The following PPM1A variants were observed in gnomAD, a reference collection of about 807,000 sequenced individuals.
The protein encoded by PPM1A is protein phosphatase 1A.
Under a neutral mutation model 35.0 loss-of-function variants are expected in PPM1A, and 7 were observed. The observed-to-expected ratio is 0.20, with a 90% CI of 0.11 to 0.38. The LOEUF (loss-of-function observed/expected upper bound fraction) is 0.38, where lower values mean the gene tolerates loss of function less well. PPM1A is among the 10% of genes least tolerant of loss of function. The probability of loss-of-function intolerance (pLI) is 1.00; values close to 1 mark genes in which losing one functional copy is unlikely to be tolerated. For missense variants in PPM1A, 239 were observed against 467.8 expected (o/e 0.51, Z 4.51); for synonymous variants, 153 against 167.3 (o/e 0.91, Z 0.66).
At chr14:60,261,428 AG>A (rs1883733371) in intron 1 of PPM1A, among the ~76,000 whole-genome samples, 2 of 152,306 alleles carry the variant, frequency 1.3e-5, no homozygotes, top group South Asian at 4.1e-4. Context: ...TGAAGCACAA[AG>A]GATAGCCCCC....
intron 4 of PPM1A, among the ~76,000 whole-genome samples, chr14:60,291,105 A>G (rs758548627): frequency 5.9e-5 from 9 of 152,090 alleles, no homozygotes; most frequent in Admixed American, 1.3e-4. Context: ...CATTTAAACC[A>G]ATTCAAATGG....
At chr14:60,255,334 G>A (rs555327318) in intron 1 of PPM1A, among the ~76,000 whole-genome samples, 387 of 150,888 alleles carry the variant, frequency 2.6e-3, no homozygotes, top group African/African-American at 7.6e-3. Flanking sequence ...ACCACGCCCG[G>A]CTAATTTTTT....
intron 3 of PPM1A, chr14:60,288,410 T>C: frequency 1.0e-6 from 1 of 984,566 alleles, no homozygotes; most frequent in Non-Finnish European, 1.2e-6. Flanking sequence ...ATGTTAAGTG[T>C]ATTAGTTTTA....
intron 1 of PPM1A, among the ~76,000 whole-genome samples, chr14:60,280,051 G>T (rs1413944485): frequency 6.6e-6 from 1 of 152,082 alleles, no homozygotes; most frequent in African/African-American, 2.4e-5. Context: ...GCCCAGGCTG[G>T]AGTGCAGTGA....
Position 60,270,765 on chromosome 14 carries a change from A to T in PPM1A, c.-20-11919A>T, listed in dbSNP as rs187117782. ...TATCATATTTCATTATTTTTGAGAG[A>T]AATGATAGGGATTTTGTCCTATTAA... On this transcript the variant is annotated intron_variant, in intron 1 of 5. Coordinates refer to ENST00000395076, the MANE Select transcript of PPM1A (RefSeq NM_021003.5). 2.6e-3 allele frequency among the ~76,000 whole-genome samples: 395 copies of T among 149,750 alleles called. 4 individuals are homozygous for T. Among genetic ancestry groups the T allele is most frequent in the African/African-American group, 8.5e-3 (344 of 40,480 alleles).
chr14:60,271,613 G>C (rs866764662), intron 1 of PPM1A, among the ~76,000 whole-genome samples: 1 of 152,170 alleles, frequency 6.6e-6, no homozygotes, highest in African/African-American at 2.4e-5. Context: ...ACTCGAGAAT[G>C]CATGTTGTTC....
Position 60,295,577 on chromosome 14 carries a change from A to G in PPM1A, c.*3095A>G, listed in dbSNP as rs1262321062. On this transcript the variant is annotated 3_prime_UTR_variant, in exon 6 of 6. Transcript: ENST00000395076. ...TTTTAGTGATCATTCATAGGACTAT[A>G]TATTAACCCAGCTAATAACTCAGTT... is the stretch of plus-strand genomic sequence containing the variant. 1.3e-5 allele frequency: 2 copies of G among 151,704 alleles called. No individual in the cohort carries two copies. Among genetic ancestry groups the G allele is most frequent in the Non-Finnish European group, 3.0e-5 (2 of 67,692 alleles). 9.4% of individuals were successfully genotyped at this position (151,704 alleles called of 1,614,324 possible).
Position 60,249,318 on chromosome 14 carries a change from G to C in PPM1A, c.-380G>C. Reference sequence around the variant, plus strand: ...GCGCTCGTCCGGCCCGCAGCTTCGGGTCCTCAGGCGGCTGTTGCTCCGGAA... The same window carrying C: ...GCGCTCGTCCGGCCCGCAGCTTCGGCTCCTCAGGCGGCTGTTGCTCCGGAA... On this transcript the variant is annotated 5_prime_UTR_variant, in exon 1 of 6. Coordinates refer to ENST00000395076, the MANE Select transcript of PPM1A (RefSeq NM_021003.5). This position sits in a 1 kb window ranked among gnomAD's most constrained non-coding sequence, Gnocchi z 4.5. The C allele has an allele frequency of 2.1e-6, 2 of 971,346 alleles. No individual in the cohort carries two copies. The highest frequency in any genetic ancestry group is 2.4e-6 in the Non-Finnish European group (2 of 826,364). The allele number at this position is 971,346 out of a possible 1,614,324, so 60.2% of individuals were successfully genotyped here.
rs116065072 is a variant in PPM1A at position 60,267,542 on chromosome 14, A to C, written c.-20-15142A>C. ...ATTTTTTTAGTGCTGTCTTTGTCAA[A>C]TTTTATAGAAGGATTATGATAGGTT... On this transcript the variant is annotated intron_variant, in intron 1 of 5. Coordinates refer to ENST00000395076, the MANE Select transcript of PPM1A (RefSeq NM_021003.5). Among the ~76,000 whole-genome samples, 928 of 152,114 alleles carry C rather than the reference A, an allele frequency of 6.1e-3. 16 individuals are homozygous for C. The highest frequency in any genetic ancestry group is 0.02 in the African/African-American group (846 of 41,520).
At position 60,297,777 on chromosome 14, in the gene PPM1A, T is replaced by C. The variant is rs1888165807; in HGVS notation, c.*5295T>C. The C allele has an allele frequency of 6.6e-6, 1 of 151,648 alleles. No individual in the cohort carries two copies. Among genetic ancestry groups the C allele is most frequent in the Non-Finnish European group, 1.5e-5 (1 of 67,666 alleles). 9.4% of individuals were successfully genotyped at this position (151,648 alleles called of 1,614,324 possible). A position where few individuals can be genotyped will look rare whatever the true frequency, so the allele number is the denominator to read the frequency against. ...CATTTTAGCAATGCTTCTTAACCTTTTGGGGTCACAGGCGTTTTGAGACTG... is the reference window on the plus strand; with the variant it reads ...CATTTTAGCAATGCTTCTTAACCTTCTGGGGTCACAGGCGTTTTGAGACTG... On this transcript the variant is annotated 3_prime_UTR_variant, in exon 6 of 6. Coordinates refer to ENST00000395076, the MANE Select transcript of PPM1A (RefSeq NM_021003.5).
chr14:60,291,078 C>T (rs1452601233), intron 4 of PPM1A, among the ~76,000 whole-genome samples: 1 of 152,030 alleles, frequency 6.6e-6, no homozygotes, highest in Admixed American at 6.6e-5. Flanking sequence ...ATGGCATTGC[C>T]ATTGATGACT....
chr14:60,254,551 A>G (rs1882826082), intron 1 of PPM1A, among the ~76,000 whole-genome samples: 1 of 152,206 alleles, frequency 6.6e-6, no homozygotes, highest in Non-Finnish European at 1.5e-5. Context: ...GAGTAAGGAA[A>G]CTAAATCATT....
upstream of PPM1A, among the ~76,000 whole-genome samples, chr14:60,246,242 A>C (rs1303491413): frequency 6.6e-6 from 1 of 152,152 alleles, no homozygotes; most frequent in African/African-American, 2.4e-5. Flanking sequence ...CCTGGAGAGT[A>C]ATTTGGGAGC....
chr14:60,261,451 G>A (rs1372064730), intron 1 of PPM1A, among the ~76,000 whole-genome samples: 2 of 152,046 alleles, frequency 1.3e-5, no homozygotes, highest in Admixed American at 6.5e-5. Flanking sequence ...TTTTTGATGA[G>A]CTTTAGTATC....
chr14:60,251,654 T>C (rs1366012761), intron 1 of PPM1A, among the ~76,000 whole-genome samples: 1 of 152,254 alleles, frequency 6.6e-6, no homozygotes, highest in Non-Finnish European at 1.5e-5. Context: ...AACATACCGT[T>C]GCCAAATAAA....
rs772765365 is a variant in PPM1A, at chr14:60,285,669, G to A, written c.880G>A (p.Ala294Thr). ...MSVILICFPN[A>T]PKVSPEAVKK... is the part of the protein sequence containing the mutation. ...TGTGATTTTGATCTGTTTTCCAAAT[G>A]CACCCAAAGTATCGCCAGAAGCAGT... The change falls in exon 3 of 6, where the codon GCA (alanine) becomes ACA (threonine). Residue 294 changes from alanine (A) to threonine (T), a missense_variant. Ala to Thr is a moderately conservative substitution (Grantham distance 58). This residue lies in a region of PPM1A where 175 missense variants were observed against 389.2 expected (regional missense o/e 0.45). Transcript: ENST00000395076. 1 of 1,613,962 alleles carries A rather than the reference G, an allele frequency of 6.2e-7. No individual in the cohort carries two copies.
Position 60,296,397 on chromosome 14 carries a change from TGTATTAGGATTTG to T in PPM1A, c.*3923_*3935del. ...TCAAACTCAGCTGTTTGTACAGTAT[TGTATTAGGATTTG>T]GTATTAGAAAAGATGTGTAAATATC... On this transcript the variant is annotated 3_prime_UTR_variant, in exon 6 of 6. Transcript: ENST00000395076. The surrounding 1 kb of genome is among the most constrained non-coding windows in gnomAD (Gnocchi z 4.4). 5.1e-6 allele frequency: 1 copy of T among 194,390 alleles called. No homozygotes were observed. The highest frequency in any genetic ancestry group is 1.9e-4 in the South Asian group (1 of 5,186). The allele number at this position is 194,390 out of a possible 1,614,324, so 12.0% of individuals were successfully genotyped here. A position where few individuals can be genotyped will look rare whatever the true frequency, so the allele number is the denominator to read the frequency against.
intron 1 of PPM1A, among the ~76,000 whole-genome samples, chr14:60,279,630 C>G (rs542507285): frequency 2.7e-4 from 41 of 152,290 alleles, no homozygotes; most frequent in African/African-American, 8.9e-4. Context: ...AGTGGTTGAA[C>G]CAATTTAAAC....
intron 1 of PPM1A, among the ~76,000 whole-genome samples, chr14:60,276,286 C>T (rs985263262): frequency 2.0e-5 from 3 of 152,138 alleles, no homozygotes; most frequent in African/African-American, 4.8e-5. Flanking sequence ...TGTTTGTTAA[C>T]GTTCCTTTTC....
Sources: allele counts gnomAD v4.1 joint callset (sites outside exome capture counted in the v4.1 genomes callset), GRCh38; gene constraint gnomAD v4.1.1; regional missense constraint gnomAD v4.1.1; non-coding constraint Gnocchi (gnomAD v3.1); transcripts MANE v1.5; gene names NCBI Gene and HGNC (gene_info 2026-07-23, HGNC 2026-07-21).